The following GPHN variants were observed in gnomAD, a reference collection of about 807,000 sequenced individuals.
GPHN encodes the protein gephyrin.
In GPHN, 17 loss-of-function variants were observed where a neutral mutation model predicts 95.5. The ratio of observed to expected loss-of-function variants is 0.18; its 90% CI spans 0.12 to 0.27. GPHN has a LOEUF of 0.27. Among genes scored for constraint, GPHN ranks in the 10% least tolerant of loss-of-function variants. The probability of loss-of-function intolerance (pLI) is 1.00; values close to 1 mark genes in which losing one functional copy is unlikely to be tolerated. For synonymous variants in GPHN, 320 were observed against 322.5 expected (o/e 0.99, Z 0.08); for missense variants, 660 against 978.1 (o/e 0.67, Z 4.34).
chr14:67,473,999 T>A, the GPHN span: 1 of 1,467,912 alleles, frequency 6.8e-7, no homozygotes, highest in African/African-American at 1.4e-5. The surrounding 1 kb of genome is among the most constrained non-coding windows in gnomAD (Gnocchi z 6.5). Flanking sequence ...ACGCCTATAA[T>A]CCCTGCGCTT....
the GPHN span, chr14:67,348,798 G>T: frequency 2.5e-6 from 1 of 396,260 alleles, no homozygotes; most frequent in Non-Finnish European, 4.6e-6. Context: ...GGGATTACAG[G>T]CATGAGCCAC....
At chr14:66,965,055 G>A (rs1257915360) in intron 8 of GPHN, 136 bp from the exon 9 acceptor site, 12 of 740,520 alleles carry the variant, frequency 1.6e-5, no homozygotes, top group Non-Finnish European at 2.9e-5. Context: ...GTTGTTGGAT[G>A]CATTTATACC....
intron 9 of GPHN, among the ~76,000 whole-genome samples, chr14:66,972,291 A>AT (rs2069855503): frequency 7.7e-6 from 1 of 129,302 alleles, no homozygotes; most frequent in African/African-American, 4.1e-5. Context: ...AAAAGAAAGA[A>AT]AAAAAAGAAA....
intron 22 of GPHN, among the ~76,000 whole-genome samples, chr14:67,180,418 C>T (rs2083265044): frequency 6.6e-6 from 1 of 152,106 alleles, no homozygotes; most frequent in African/African-American, 2.4e-5. Flanking sequence ...AGTAAAGTGC[C>T]TAGTACTTTG....
intron 2 of GPHN, among the ~76,000 whole-genome samples, chr14:66,704,001 A>G (rs1309994614): frequency 6.6e-6 from 1 of 151,890 alleles, no homozygotes; most frequent in African/African-American, 2.4e-5. Flanking sequence ...GAAAAAAAAA[A>G]GGGCAGGAGT....
the GPHN span, among the ~76,000 whole-genome samples, chr14:67,456,286 A>G: frequency 6.6e-6 from 1 of 152,368 alleles, no homozygotes; most frequent in South Asian, 2.1e-4. Context: ...CATACGAGTC[A>G]GAATGACTAT....
the GPHN span, among the ~76,000 whole-genome samples, chr14:67,244,462 A>G: frequency 2.0e-5 from 3 of 152,226 alleles, no homozygotes; most frequent in African/African-American, 7.2e-5. Context: ...GAAATGATAT[A>G]ATTGCTTCTT....
At chr14:67,667,803 G>A in the GPHN span, among the ~76,000 whole-genome samples, 17 of 152,140 alleles carry the variant, frequency 1.1e-4, no homozygotes, top group Non-Finnish European at 2.4e-4. Context: ...ACTTAGCCCG[G>A]CGTGGTGGTG....
chr14:67,011,849 A>G (rs1448105369), intron 9 of GPHN, among the ~76,000 whole-genome samples: 3 of 141,678 alleles, frequency 2.1e-5, no homozygotes, highest in African/African-American at 7.5e-5. Context: ...TATATATATG[A>G]TCACTTCTGT....
At chr14:67,080,929 G>T (rs1394634107) in intron 11 of GPHN, among the ~76,000 whole-genome samples, 2 of 152,108 alleles carry the variant, frequency 1.3e-5, no homozygotes, top group Non-Finnish European at 1.5e-5. Flanking sequence ...TGCTGCAAAT[G>T]CCATTATTTC....
At chr14:67,432,751 C>T in the GPHN span, among the ~76,000 whole-genome samples, 3 of 152,102 alleles carry the variant, frequency 2.0e-5, no homozygotes, top group Non-Finnish European at 4.4e-5. Flanking sequence ...GAGGGAGAAT[C>T]TCGGGCTTCT....
chr14:67,555,778 A>G, the GPHN span: 520 of 1,606,764 alleles, frequency 3.2e-4, no homozygotes, highest in Non-Finnish European at 4.0e-4. Flanking sequence ...CCGTGTTCAC[A>G]GTAGGGACAT....
intron 21 of GPHN, among the ~76,000 whole-genome samples, chr14:67,171,924 A>T (rs530243783): frequency 6.6e-6 from 1 of 152,154 alleles, no homozygotes; most frequent in African/African-American, 2.4e-5. Context: ...ACACCTACAG[A>T]CCTCACAATG....
chr14:66,655,894 A>G (rs971172328), intron 1 of GPHN, among the ~76,000 whole-genome samples: 1 of 152,136 alleles, frequency 6.6e-6, no homozygotes, highest in Non-Finnish European at 1.5e-5. Flanking sequence ...ATGATGTTTT[A>G]CATTGATTGA....
intron 16 of GPHN, among the ~76,000 whole-genome samples, chr14:67,116,079 A>C (rs1216343666): frequency 6.6e-6 from 1 of 152,124 alleles, no homozygotes; most frequent in Non-Finnish European, 1.5e-5. Flanking sequence ...AGATGGGTAG[A>C]TCACTTGAGG....
At chr14:67,665,425 CCA>C in the GPHN span, among the ~76,000 whole-genome samples, 6 of 151,974 alleles carry the variant, frequency 3.9e-5, no homozygotes, top group East Asian at 5.8e-4. Context: ...GTGCAGGTTA[CCA>C]CACACAGCTA....
chr14:67,604,464 C>T, the GPHN span, among the ~76,000 whole-genome samples: 1 of 152,056 alleles, frequency 6.6e-6, no homozygotes, highest in Non-Finnish European at 1.5e-5. Context: ...AGAGGCTGAG[C>T]CAGGAAGATC....
chr14:66,842,755 T>A (rs1304254350), intron 4 of GPHN: 1 of 1,412,682 alleles, frequency 7.1e-7, no homozygotes, highest in Admixed American at 2.2e-5. Flanking sequence ...CATTTTCAGA[T>A]TAATAATTTT....
the GPHN span, among the ~76,000 whole-genome samples, chr14:67,461,562 T>G: frequency 1.3e-5 from 2 of 151,938 alleles, no homozygotes; most frequent in African/African-American, 2.4e-5. Context: ...TCTCCCTCCT[T>G]CTGGACAACA....
Sources: gnomAD v4.1 joint callset for allele counts (sites outside exome capture counted in the v4.1 genomes callset) on GRCh38, gnomAD v4.1.1 for gene constraint, Gnocchi (gnomAD v3.1) non-coding constraint, MANE v1.5 for transcripts, NCBI Gene and HGNC (gene_info 2026-07-23, HGNC 2026-07-21) for gene names.